The following ETV5 variants were observed in gnomAD, a reference collection of about 807,000 sequenced individuals.
ETV5 encodes the protein ETS translocation variant 5.
A neutral mutation model predicts 70.0 loss-of-function variants in ETV5; 10 were observed. That is an observed-to-expected ratio of 0.14 (90% confidence interval 0.09 to 0.24). The LOEUF is 0.24. ETV5 is among the 10% of genes least tolerant of loss of function. The probability of loss-of-function intolerance (pLI) is 1.00; values close to 1 mark genes in which losing one functional copy is unlikely to be tolerated. For missense variants in ETV5, 453 were observed against 651.2 expected (o/e 0.70, Z 3.31); for synonymous variants, 216 against 242.2 (o/e 0.89, Z 1.01).
intron 5 of ETV5, chr3:186,095,354 A>G (rs1714280283): frequency 6.6e-6 from 1 of 152,238 alleles, no homozygotes; most frequent in Non-Finnish European, 1.5e-5. Context: ...CTTAAGCTTT[A>G]ACAACCCTTC....
chr3:186,063,284 CA>C (rs374088289), intron 9 of ETV5, among the ~76,000 whole-genome samples: 1 of 151,848 alleles, frequency 6.6e-6, no homozygotes, highest in Admixed American at 6.6e-5. Context: ...ACAACAACAA[CA>C]AAAAAAGATG....
In ETV5 at chr3:186,057,264, A is replaced by G. The variant is rs1428316550; in HGVS notation, c.1040-20T>C. 3.1e-6 allele frequency: 5 copies of G among 1,613,878 alleles called. No individual in the cohort carries two copies. Among genetic ancestry groups the G allele is most frequent in the African/African-American group, 2.7e-5 (2 of 74,908 alleles). On this transcript the variant is annotated intron_variant, in intron 10 of 12. Transcript: ENST00000306376. This position sits in a 1 kb window ranked among gnomAD's most constrained non-coding sequence, Gnocchi z 4.9. The stretch of plus-strand genomic sequence containing the variant: ...CTTTGCCTGTTTGGGACAAGGACAC[A>G]TCACACAATAGCTTAGTCCTAAGTT...
At chr3:186,087,590 C>T (rs914177188) in intron 5 of ETV5, among the ~76,000 whole-genome samples, 9 of 152,156 alleles carry the variant, frequency 5.9e-5, no homozygotes, top group African/African-American at 9.7e-5. Context: ...GGTCTAGAAA[C>T]AGTCTTCCAA....
chr3:186,064,411 C>T lies in ETV5; in HGVS notation c.970+6G>A, dbSNP rs774381919. The stretch of plus-strand genomic sequence containing the variant: ...AGAGAAGAGGAAAGAAAAGCAGGTT[C>T]CTTACCTTCATGGCTGCTGGAGAAA... On this transcript the variant is annotated splice_donor_region_variant and intron_variant, in intron 9 of 12. Coordinates refer to ENST00000306376, the MANE Select transcript of ETV5 (RefSeq NM_004454.3). The T allele has an allele frequency of 3.7e-6, 6 of 1,613,844 alleles. No individual in the cohort carries two copies. Among genetic ancestry groups the T allele is most frequent in the Admixed American group, 1.7e-5 (1 of 60,020 alleles).
chr3:186,075,099 A>C (rs769018723), intron 7 of ETV5, among the ~76,000 whole-genome samples: 2 of 152,238 alleles, frequency 1.3e-5, no homozygotes, highest in Non-Finnish European at 2.9e-5. Context: ...AGGTAACAAG[A>C]AGCCTACAGT....
intron 5 of ETV5, among the ~76,000 whole-genome samples, chr3:186,099,518 G>A (rs947666716): frequency 1.3e-5 from 2 of 152,230 alleles, no homozygotes; most frequent in African/African-American, 4.8e-5. Context: ...ATGCCCGAGA[G>A]GGGGCTGTCA....
intron 11 of ETV5, among the ~76,000 whole-genome samples, chr3:186,053,061 T>G (rs1174348656): frequency 1.3e-5 from 2 of 151,928 alleles, no homozygotes; most frequent in African/African-American, 4.8e-5. Flanking sequence ...AGGTCAGTTT[T>G]GGAAACTTAA....
At chr3:186,051,556 T>A (rs755213671) in intron 12 of ETV5, among the ~76,000 whole-genome samples, 8 of 152,236 alleles carry the variant, frequency 5.3e-5, no homozygotes, top group Non-Finnish European at 1.0e-4. Flanking sequence ...GAGTTCCAGT[T>A]TCTGTAAGTC....
Position 186,081,184 on chromosome 3 carries a change from A to G in ETV5, c.233-9T>C, listed in dbSNP as rs1713926122. ...TGGGGCATGAAGCACCACTGAAATC[A>G]GAAGAGGGATGAGAGGGGAATAGAG... On this transcript the variant is annotated splice_polypyrimidine_tract_variant and intron_variant, in intron 5 of 12. Coordinates refer to ENST00000306376, the MANE Select transcript of ETV5 (RefSeq NM_004454.3). 41 of 1,611,166 alleles carry G rather than the reference A, an allele frequency of 2.5e-5. No individual in the cohort carries two copies. The highest frequency in any genetic ancestry group is 3.5e-5 in the Non-Finnish European group (41 of 1,178,346).
Position 186,048,593 on chromosome 3 carries a change from T to C in ETV5, c.*46A>G, listed in dbSNP as rs372047664. On this transcript the variant is annotated 3_prime_UTR_variant, in exon 13 of 13. Coordinates refer to ENST00000306376, the MANE Select transcript of ETV5 (RefSeq NM_004454.3). ...AAACCACTGCCCTTGTTTGCCTGAA[T>C]GGGAACTGCTAGCTCTAGGGTTTGG... 66 of 1,545,416 alleles carry C rather than the reference T, an allele frequency of 4.3e-5. No individual in the cohort carries two copies. The African/African-American group carries it at 8.0e-4, about 19-fold the overall frequency.
In ETV5 at chr3:186,054,994, G is replaced by T. The variant is rs1030055496; in HGVS notation, c.1209+2081C>A. Among the ~76,000 whole-genome samples the T allele has an allele frequency of 3.9e-5, 6 of 152,176 alleles. No individual in the cohort carries two copies. Among genetic ancestry groups the T allele is most frequent in the Non-Finnish European group, 7.3e-5 (5 of 68,034 alleles). On this transcript the variant is annotated intron_variant, in intron 11 of 12. Transcript: ENST00000306376. The surrounding 1 kb of genome is among the most constrained non-coding windows in gnomAD (Gnocchi z 4.4). ...CCCGGTCAACCGAGGGAGGCTCAAGGACACCACAGGCTTCTCATATGACTT... is the reference window on the plus strand; with the variant it reads ...CCCGGTCAACCGAGGGAGGCTCAAGTACACCACAGGCTTCTCATATGACTT...
intron 11 of ETV5, among the ~76,000 whole-genome samples, chr3:186,053,707 A>G (rs1380598380): frequency 6.6e-6 from 1 of 152,132 alleles, no homozygotes; most frequent in African/African-American, 2.4e-5. Flanking sequence ...TTTTCTCCAT[A>G]TGGTACCCAC....
In ETV5 at chr3:186,105,042, A is replaced by G. The variant is rs1055175544; in HGVS notation, c.232+263T>C. On this transcript the variant is annotated intron_variant, in intron 5 of 12. Coordinates refer to ENST00000306376, the MANE Select transcript of ETV5 (RefSeq NM_004454.3). The surrounding 1 kb of genome is among the most constrained non-coding windows in gnomAD (Gnocchi z 4.5). ...TAGGTGTGAGCCACTGTGCCCAGTC[A>G]GCTTTACAATATTCTTAAGGTAAAA... is the stretch of plus-strand genomic sequence containing the variant. 1 of 328,500 alleles carries G rather than the reference A, an allele frequency of 3.0e-6. No homozygotes were observed. The highest frequency in any genetic ancestry group is 2.2e-5 in the African/African-American group (1 of 45,652). 20.3% of individuals were successfully genotyped at this position (328,500 alleles called of 1,614,324 possible). A position where few individuals can be genotyped will look rare whatever the true frequency, so the allele number is the denominator to read the frequency against.
At chr3:186,089,611 G>A (rs1714134092) in intron 5 of ETV5, among the ~76,000 whole-genome samples, 1 of 152,112 alleles carries the variant, frequency 6.6e-6, no homozygotes, top group Admixed American at 6.6e-5. Context: ...CAATATTAGA[G>A]ATTTCTAAGC....
chr3:186,107,133 C>T (rs560659986), intron 1 of ETV5, among the ~76,000 whole-genome samples: 13 of 152,142 alleles, frequency 8.5e-5, no homozygotes, highest in South Asian at 2.1e-4. Flanking sequence ...CAGCATCCTC[C>T]GCAGCACTTT....
At chr3:186,059,022 A>T (rs1040363392) in intron 9 of ETV5, among the ~76,000 whole-genome samples, 1 of 151,366 alleles carries the variant, frequency 6.6e-6, no homozygotes, top group African/African-American at 2.4e-5. Flanking sequence ...CAAAAAAAAA[A>T]AAATAAAATA....
chr3:186,105,244 A>G lies in ETV5; in HGVS notation c.232+61T>C. 1 of 1,428,294 alleles carries G rather than the reference A, an allele frequency of 7.0e-7. No homozygotes were observed. Among genetic ancestry groups the G allele is most frequent in the Non-Finnish European group, 9.7e-7 (1 of 1,028,186 alleles). The allele number at this position is 1,428,294 out of a possible 1,614,324, so 88.5% of individuals were successfully genotyped here. On this transcript the variant is annotated intron_variant, in intron 5 of 12. Coordinates refer to ENST00000306376, the MANE Select transcript of ETV5 (RefSeq NM_004454.3). This position sits in a 1 kb window ranked among gnomAD's most constrained non-coding sequence, Gnocchi z 4.5. ...TAGCTGAAAAAAGCATATTCTAGACATGGATGATCTAAGACCAAACAATTT... is the reference window on the plus strand; with the variant it reads ...TAGCTGAAAAAAGCATATTCTAGACGTGGATGATCTAAGACCAAACAATTT...
chr3:186,078,836 G>C (rs1192158582), intron 7 of ETV5, among the ~76,000 whole-genome samples: 2 of 152,068 alleles, frequency 1.3e-5, no homozygotes, highest in African/African-American at 4.8e-5. Context: ...ACGGGAAGGG[G>C]ATCAGAACCA....
chr3:186,051,107 C>T (rs1024303934), intron 12 of ETV5, among the ~76,000 whole-genome samples: 4 of 152,206 alleles, frequency 2.6e-5, no homozygotes, highest in Non-Finnish European at 4.4e-5. Context: ...GCCTGTATGA[C>T]GCACTAGCAA....
Sources: gnomAD v4.1 joint callset for allele counts (sites outside exome capture counted in the v4.1 genomes callset) on GRCh38, gnomAD v4.1.1 for gene constraint, Gnocchi (gnomAD v3.1) non-coding constraint, MANE v1.5 for transcripts, NCBI Gene and HGNC (gene_info 2026-07-23, HGNC 2026-07-21) for gene names.